The following SBNO1 variants were observed in gnomAD, a reference collection of about 807,000 sequenced individuals.
The protein encoded by SBNO1 is strawberry notch homolog 1.
SBNO1 carries 23 observed loss-of-function variants against 173.6 expected under a neutral mutation model. That is an observed-to-expected ratio of 0.13 (90% CI 0.10 to 0.19). SBNO1 has a LOEUF of 0.19. Ranked by LOEUF, SBNO1 falls within the 10% of genes least tolerant of loss-of-function variation. SBNO1 has a pLI of 1.00. For missense variants in SBNO1, 1,238 were observed against 1,671.2 expected, an observed-to-expected ratio of 0.74 and a Z score of 4.52; for synonymous variants, 632 against 571.5, an observed-to-expected ratio of 1.11 and a Z score of -1.51.
chr12:123,345,161 T>A, intron 4 of SBNO1, 97 bp downstream of exon 4: 1 of 1,033,332 alleles, frequency 9.7e-7, no homozygotes, highest in Non-Finnish European at 1.4e-6. Flanking sequence ...CACCCTTTTA[T>A]GGCCAGTTCT....
chr12:123,321,491 G>A (rs1344211410), intron 17 of SBNO1, 44 bp downstream of exon 17: 1 of 1,353,120 alleles, frequency 7.4e-7, no homozygotes, highest in African/African-American at 1.4e-5. Flanking sequence ...CAAATATACT[G>A]AAATATTATA....
intron 10 of SBNO1, among the ~76,000 whole-genome samples, 188 bp from the exon 11 acceptor site, chr12:123,328,215 A>G (rs1870806762): frequency 6.6e-6 from 1 of 152,182 alleles, no homozygotes; most frequent in South Asian, 2.1e-4. Context: ...AAAGACATTC[A>G]CTGAATTTGG....
At chr12:123,345,234 T>C (rs1961598110) in intron 4 of SBNO1, 24 bp downstream of exon 4, 2 of 1,583,236 alleles carry the variant, frequency 1.3e-6, no homozygotes, top group Non-Finnish European at 1.7e-6. Context: ...GAGAGAAAGT[T>C]GATACTATTG....
At chr12:123,300,513 C>A (rs191823660) in intron 30 of SBNO1, among the ~76,000 whole-genome samples, 182 of 152,044 alleles carry the variant, frequency 1.2e-3, no homozygotes, top group African/African-American at 4.4e-3. Context: ...AAAAATTAGC[C>A]GGGCGTGGTT....
At position 123,334,106 on chromosome 12, in the gene SBNO1, C is replaced by G; in HGVS notation, c.856G>C (p.Asp286His). Residue 286 changes from aspartate (D) to histidine (H), a missense_variant, in exon 7 of 32, where the codon GAT becomes CAT. This residue lies in a region of SBNO1 where 78 missense variants were observed against 103.3 expected (regional missense o/e 0.76). Transcript: ENST00000602398. ...TGCAATGCTGATAACCAGCCATTAT[C>G]AATGGTTTCCTCAGAAATGGATGTT... ...YKTSISEETIDNGWLSALQLE... is the reference protein window; with the variant it reads ...YKTSISEETIHNGWLSALQLE... The G allele has an allele frequency of 6.2e-7, 1 of 1,604,908 alleles. No individual in the cohort carries two copies. Among genetic ancestry groups the G allele is most frequent in the Non-Finnish European group, 8.5e-7 (1 of 1,176,504 alleles).
intron 29 of SBNO1, among the ~76,000 whole-genome samples, chr12:123,303,798 C>A (rs2048849499): frequency 6.6e-6 from 1 of 151,204 alleles, no homozygotes. Flanking sequence ...AGTTCCAGAC[C>A]AGCTCAGCCT....
intron 1 of SBNO1, among the ~76,000 whole-genome samples, chr12:123,358,781 G>T (rs1175096684): frequency 2.8e-5 from 4 of 141,428 alleles, no homozygotes; most frequent in Non-Finnish European, 6.2e-5. Flanking sequence ...GAAGAAAAAT[G>T]AAATACAACA....
rs1026553691 is a variant in SBNO1, at chr12:123,289,300, C to G, written c.*6608G>C. ...TGCATGAGACCAAATTTTTCAGTTACATATCAAAAATGATTGGGATAATCA... is the reference window on the plus strand; with the variant it reads ...TGCATGAGACCAAATTTTTCAGTTAGATATCAAAAATGATTGGGATAATCA... On this transcript the variant is annotated 3_prime_UTR_variant, in exon 32 of 32. Coordinates refer to ENST00000602398, the MANE Select transcript of SBNO1 (RefSeq NM_001167856.3). 3.3e-5 allele frequency: 5 copies of G among 152,322 alleles called. No homozygotes were observed. The highest frequency in any genetic ancestry group is 1.3e-4 in the Admixed American group (2 of 15,302). The allele number at this position is 152,322 out of a possible 1,614,324, so 9.4% of individuals were successfully genotyped here. A position where few individuals can be genotyped will look rare whatever the true frequency, so the allele number is the denominator to read the frequency against.
chr12:123,348,404 A>G (rs1327015606), intron 2 of SBNO1, among the ~76,000 whole-genome samples: 1 of 152,106 alleles, frequency 6.6e-6, no homozygotes, highest in Non-Finnish European at 1.5e-5. Context: ...TGGGCGGATC[A>G]TGAGGTCAGG....
chr12:123,349,608 T>C (rs1359494662), intron 2 of SBNO1, among the ~76,000 whole-genome samples: 1 of 139,910 alleles, frequency 7.1e-6, no homozygotes, highest in East Asian at 1.9e-4. Flanking sequence ...TAAATCAAAA[T>C]GAATACTCAA....
At chr12:123,303,913 A>G (rs1240343996) in intron 29 of SBNO1, among the ~76,000 whole-genome samples, 1 of 145,994 alleles carries the variant, frequency 6.8e-6, no homozygotes, top group Non-Finnish European at 1.5e-5. Flanking sequence ...ATATTATAAA[A>G]TAAGTATTCT....
chr12:123,313,420 G>A (rs1868868535), intron 24 of SBNO1, among the ~76,000 whole-genome samples, 200 bp downstream of exon 24: 1 of 151,788 alleles, frequency 6.6e-6, no homozygotes. Context: ...AACAGTAAGA[G>A]CACTTTCATT....
intron 1 of SBNO1, among the ~76,000 whole-genome samples, chr12:123,354,408 C>T (rs1405619842): frequency 6.6e-6 from 1 of 152,056 alleles, no homozygotes. Context: ...TAATATATAT[C>T]TTATACATAA....
Position 123,328,734 on chromosome 12 carries a change from C to A in SBNO1, c.1296G>T (p.Val432=). The A allele has an allele frequency of 6.5e-7, 1 of 1,537,720 alleles. No individual in the cohort carries two copies. Residue 432 remains valine, a splice_region_variant and synonymous_variant, in exon 10 of 32, where the codon GTG becomes GTT. Transcript: ENST00000602398. ...GAAAAATATTTGCCATAAAGGATAC[C>A]ACTCCATCGAAGTCATCACCGCACC... ...LHWCGDDFDG[V]IVFDECHKAK...
rs771342828 is a variant in SBNO1 at position 123,302,841 on chromosome 12, A to G, written c.3828T>C (p.Thr1276=). The G allele has an allele frequency of 6.2e-7, 1 of 1,613,362 alleles. No homozygotes were observed. Among genetic ancestry groups the G allele is most frequent in the South Asian group, 1.1e-5 (1 of 91,034 alleles). ...ATACTAACCAATAAGCATGAGTACAAGTATCTGCAGATGAATTATACTGAT... is the reference window on the plus strand; with the variant it reads ...ATACTAACCAATAAGCATGAGTACAGGTATCTGCAGATGAATTATACTGAT... The part of the protein sequence containing the change: ...WLDQYNSSAD[T]CTHAYWRGNC... The change falls in exon 30 of 32, where the codon ACT becomes ACC. Residue 1276 remains threonine, a synonymous_variant. Coordinates refer to ENST00000602398, the MANE Select transcript of SBNO1 (RefSeq NM_001167856.3).
intron 29 of SBNO1, 111 bp from the exon 30 acceptor site, chr12:123,303,011 A>C (rs60755632): frequency 2.5e-6 from 2 of 798,610 alleles, no homozygotes; most frequent in African/African-American, 1.7e-5. Context: ...CTCTACACAA[A>C]AAGCCTAACC....
Position 123,335,113 on chromosome 12 carries a change from C to A in SBNO1, c.749-900G>T, listed in dbSNP as rs1205219600. On this transcript the variant is annotated intron_variant, in intron 6 of 31. Coordinates refer to ENST00000602398, the MANE Select transcript of SBNO1 (RefSeq NM_001167856.3). ...GTCTGAGACAGGAGGATTGCTTGAGCCTTGTAGGCTAAGGCTGCAGTGAGC... is the reference window on the plus strand; with the variant it reads ...GTCTGAGACAGGAGGATTGCTTGAGACTTGTAGGCTAAGGCTGCAGTGAGC... Among the ~76,000 whole-genome samples the A allele has an allele frequency of 3.3e-5, 5 of 152,282 alleles. No individual in the cohort carries two copies. The East Asian group carries it at 7.7e-4, about 23-fold the overall frequency.
At position 123,341,059 on chromosome 12, in the gene SBNO1, C is replaced by G. The variant is rs1872505495; in HGVS notation, c.580G>C (p.Glu194Gln). 1 of 1,599,506 alleles carries G rather than the reference C, an allele frequency of 6.3e-7. No homozygotes were observed. Among genetic ancestry groups the G allele is most frequent in the Non-Finnish European group, 8.5e-7 (1 of 1,172,214 alleles). The change falls in exon 5 of 32, where the codon GAG becomes CAG. Residue 194 changes from glutamate (E) to glutamine (Q), a missense_variant. Physicochemically the swap from Glu to Gln is conservative, Grantham distance 29 (BLOSUM62 2). Transcript: ENST00000602398. ...TDVSNGTVKK[E>Q]SSNKEGARMW... ...CTAGCTCCTTCTTTATTAGAAGACT[C>G]TTTCTTTACTGTACCATTGCTTACA...
intron 5 of SBNO1, among the ~76,000 whole-genome samples, chr12:123,340,164 CAT>C (rs1413394018): frequency 1.3e-5 from 2 of 152,182 alleles, no homozygotes; most frequent in Non-Finnish European, 2.9e-5. Flanking sequence ...AAGGTAGAAT[CAT>C]GTAATAAATA....
Sources: allele counts gnomAD v4.1 joint callset (sites outside exome capture counted in the v4.1 genomes callset), GRCh38; gene constraint gnomAD v4.1.1; regional missense constraint gnomAD v4.1.1; transcripts MANE v1.5; gene names NCBI Gene and HGNC (gene_info 2026-07-23, HGNC 2026-07-21).